The following CLEC17A variants were observed in gnomAD, a reference collection of about 807,000 sequenced individuals.
The protein encoded by CLEC17A is C-type lectin domain containing 17A.
In CLEC17A, 37 loss-of-function variants were observed where a neutral mutation model predicts 61.3. The observed-to-expected ratio is 0.60, with a 90% CI of 0.46 to 0.79. The LOEUF is 0.79. Among genes scored for constraint, CLEC17A ranks in the 30% least tolerant of loss-of-function variants. CLEC17A has a pLI of 0.00. For synonymous variants in CLEC17A, 168 were observed against 164.9 expected, an observed-to-expected ratio of 1.02 and a Z score of -0.14; for missense variants, 418 against 464.7, an observed-to-expected ratio of 0.90 and a Z score of 0.92.
At position 14,585,928 on chromosome 19, in the gene CLEC17A, C is replaced by T. The variant is rs571893746; in HGVS notation, c.122-1686C>T. On this transcript the variant is annotated intron_variant, in intron 2 of 13. Transcript: ENST00000417570. The stretch of plus-strand genomic sequence containing the variant: ...ACTGACCCAGTGCCCTGGTACTTCA[C>T]CATGGAATGTGGGGGAATACTTAAC... 5.6e-4 allele frequency among the ~76,000 whole-genome samples: 85 copies of T among 150,942 alleles called. 1 individual carries two copies. Among genetic ancestry groups the T allele is most frequent in the Admixed American group, 1.3e-3 (20 of 15,070 alleles).
rs557811414 is a variant in CLEC17A, at chr19:14,610,212, C to T, written c.*16C>T. The T allele has an allele frequency of 4.5e-6, 7 of 1,551,438 alleles. No homozygotes were observed. In the South Asian group the frequency reaches 8.3e-5, roughly 18 times the overall value. On this transcript the variant is annotated 3_prime_UTR_variant, in exon 14 of 14. Coordinates refer to ENST00000417570, the MANE Select transcript of CLEC17A (RefSeq NM_001204118.2). Reference sequence around the variant, plus strand: ...TTCCTGTTGAAGCCCAGGGCCGAGGCTGGGGGTCCATATCTGAGTGTCTCT... The same window carrying T: ...TTCCTGTTGAAGCCCAGGGCCGAGGTTGGGGGTCCATATCTGAGTGTCTCT...
chr19:14,604,532 G>A (rs1307826072), intron 12 of CLEC17A, among the ~76,000 whole-genome samples: 1 of 151,958 alleles, frequency 6.6e-6, no homozygotes, highest in Non-Finnish European at 1.5e-5. Context: ...CGAGGCCGAG[G>A]TGGGCAGATC....
At chr19:14,609,382 C>T (rs904372124) in intron 13 of CLEC17A, among the ~76,000 whole-genome samples, 1 of 152,156 alleles carries the variant, frequency 6.6e-6, no homozygotes, top group Non-Finnish European at 1.5e-5. Flanking sequence ...TCACCTCTCT[C>T]CTAAGAACAT....
chr19:14,605,748 C>CT (rs1397879606), intron 12 of CLEC17A, among the ~76,000 whole-genome samples: 4 of 151,718 alleles, frequency 2.6e-5, no homozygotes, highest in Admixed American at 1.3e-4. Context: ...GGGATTTTGA[C>CT]TTTTTTCCGG....
chr19:14,591,552 T>C (rs559426395), intron 3 of CLEC17A, among the ~76,000 whole-genome samples: 28 of 132,964 alleles, frequency 2.1e-4, no homozygotes, highest in African/African-American at 9.8e-4. Context: ...TGTTTCTCCT[T>C]CCTCTTTTTT....
rs781159414 is a variant in CLEC17A, at chr19:14,603,758, G to C, written c.895-3235G>C. Reference sequence around the variant, plus strand: ...CGGGATTACAGGAGTGAGCCACCGTGCCCTAACCCATAGCTCACTTCTTAA... The same window carrying C: ...CGGGATTACAGGAGTGAGCCACCGTCCCCTAACCCATAGCTCACTTCTTAA... On this transcript the variant is annotated intron_variant, in intron 12 of 13. Coordinates refer to ENST00000417570, the MANE Select transcript of CLEC17A (RefSeq NM_001204118.2). Among the ~76,000 whole-genome samples the C allele has an allele frequency of 1.6e-3, 247 of 152,172 alleles. 2 individuals carry two copies. Among genetic ancestry groups the C allele is most frequent in the Non-Finnish European group, 1.5e-3 (103 of 68,006 alleles).
intron 2 of CLEC17A, among the ~76,000 whole-genome samples, chr19:14,587,040 C>A (rs1421046549): frequency 6.6e-6 from 1 of 151,946 alleles, no homozygotes; most frequent in East Asian, 1.9e-4. Flanking sequence ...AGGCAGGCAC[C>A]ACCACGCCCG....
At chr19:14,608,416 G>T (rs531683134) in intron 13 of CLEC17A, among the ~76,000 whole-genome samples, 11 of 152,176 alleles carry the variant, frequency 7.2e-5, no homozygotes, top group Non-Finnish European at 1.6e-4. Flanking sequence ...TGGCATCCTT[G>T]CAGTCCAAGC....
intron 13 of CLEC17A, among the ~76,000 whole-genome samples, chr19:14,609,690 T>C (rs1599586627): frequency 6.6e-6 from 1 of 151,948 alleles, no homozygotes; most frequent in South Asian, 2.1e-4. Flanking sequence ...ATATAAAAAC[T>C]AGCCGGGTGT....
At chr19:14,584,744 C>T (rs2074247736) in intron 2 of CLEC17A, among the ~76,000 whole-genome samples, 1 of 151,920 alleles carries the variant, frequency 6.6e-6, no homozygotes, top group Admixed American at 6.6e-5. Context: ...CAACCAATCC[C>T]ATTCCCTTCT....
chr19:14,582,975 G>A (rs1455654637), upstream of CLEC17A: 11 of 610,642 alleles, frequency 1.8e-5, no homozygotes, highest in Non-Finnish European at 2.9e-5. Flanking sequence ...ATGTGTGTGT[G>A]TGTGTGTGTG....
intron 2 of CLEC17A, among the ~76,000 whole-genome samples, chr19:14,587,253 G>C (rs2074307179): frequency 6.6e-6 from 1 of 151,632 alleles, no homozygotes. Context: ...GTGTGTGTGT[G>C]TGTGTGTGTT....
intron 1 of CLEC17A, 53 bp from the exon 2 acceptor site, chr19:14,583,304 G>A (rs1599523769): frequency 6.2e-7 from 1 of 1,609,880 alleles, no homozygotes; most frequent in Admixed American, 1.7e-5. Context: ...CAGGGCTTGA[G>A]GGATGGAGGG....
intron 12 of CLEC17A, among the ~76,000 whole-genome samples, chr19:14,602,710 T>C (rs115743790): frequency 0.024 from 3,727 of 152,150 alleles, 75 homozygotes; most frequent in South Asian, 0.044. Flanking sequence ...TCCCTCTGTT[T>C]CATAGCATTA....
chr19:14,595,497 C>T (rs997931641), intron 8 of CLEC17A, among the ~76,000 whole-genome samples, 182 bp downstream of exon 8: 13 of 152,218 alleles, frequency 8.5e-5, no homozygotes, highest in African/African-American at 2.9e-4. Flanking sequence ...CATTCCTTGA[C>T]ATCAGAGTTT....
intron 12 of CLEC17A, among the ~76,000 whole-genome samples, chr19:14,600,914 T>C (rs2146723450): frequency 8.4e-6 from 1 of 119,408 alleles, no homozygotes; most frequent in African/African-American, 4.0e-5. Flanking sequence ...TTTTTTTTTT[T>C]TTTTTTGAGA....
intron 10 of CLEC17A, among the ~76,000 whole-genome samples, chr19:14,598,677 G>T (rs2074620856): frequency 6.6e-6 from 1 of 152,074 alleles, no homozygotes; most frequent in Non-Finnish European, 1.5e-5. Context: ...GTTTCACCCT[G>T]TTGGCCAGGC....
At chr19:14,606,903 C>T (rs998088012) in intron 12 of CLEC17A, 90 bp from the exon 13 acceptor site, 5 of 535,126 alleles carry the variant, frequency 9.3e-6, no homozygotes, top group Non-Finnish European at 1.4e-5. Flanking sequence ...CGTTCCCAAG[C>T]CCTAAATATG....
chr19:14,582,812 T>A (rs1386661373), upstream of CLEC17A, among the ~76,000 whole-genome samples: 1 of 151,948 alleles, frequency 6.6e-6, no homozygotes, highest in Non-Finnish European at 1.5e-5. Context: ...TTCACCATGT[T>A]GGCCAACCTG....
Sources: gnomAD v4.1 joint callset for allele counts (sites outside exome capture counted in the v4.1 genomes callset) on GRCh38, gnomAD v4.1.1 for gene constraint, MANE v1.5 for transcripts, NCBI Gene and HGNC (gene_info 2026-07-23, HGNC 2026-07-21) for gene names.